MYO3A: variants seen among roughly 807,000 people sequenced by gnomAD.
MYO3A encodes myosin-IIIa.
In MYO3A, 180 loss-of-function variants were observed where a neutral mutation model predicts 192.7. That is an observed-to-expected ratio of 0.93 (90% CI 0.83 to 1.06). The LOEUF (loss-of-function observed/expected upper bound fraction) is 1.06. Ranked by LOEUF, MYO3A falls within the 50% of genes least tolerant of loss-of-function variation. The probability of loss-of-function intolerance (pLI) is 0.00; values close to 1 mark genes in which losing one functional copy is unlikely to be tolerated. For missense variants in MYO3A, 1,896 were observed against 1,905.0 expected, an observed-to-expected ratio of 1.00 and a Z score of 0.09; for synonymous variants, 628 against 645.3, an observed-to-expected ratio of 0.97 and a Z score of 0.41.
chr10:25,998,743 C>T (rs965770202), intron 6 of MYO3A, among the ~76,000 whole-genome samples: 9 of 151,964 alleles, frequency 5.9e-5, no homozygotes, highest in Non-Finnish European at 1.2e-4. Context: ...ATTGTTAAAA[C>T]AAGTATCAAT....
chr10:26,037,601 C>T (rs1221625611), intron 10 of MYO3A, among the ~76,000 whole-genome samples: 2 of 152,144 alleles, frequency 1.3e-5, no homozygotes, highest in African/African-American at 4.8e-5. Flanking sequence ...ATTGTCTTTT[C>T]CCCACTGTAT....
At chr10:25,978,923 A>G (rs1215727279) in intron 4 of MYO3A, among the ~76,000 whole-genome samples, 1 of 151,348 alleles carries the variant, frequency 6.6e-6, no homozygotes, top group East Asian at 1.9e-4. Context: ...TATGTTTGGT[A>G]TGTGCAGACT....
At chr10:26,106,075 C>G (rs1837780679) in intron 17 of MYO3A, among the ~76,000 whole-genome samples, 1 of 152,014 alleles carries the variant, frequency 6.6e-6, no homozygotes, top group African/African-American at 2.4e-5. Context: ...CTCTCGCTTT[C>G]TTCTTTTCCA....
intron 34 of MYO3A, among the ~76,000 whole-genome samples, chr10:26,205,485 G>A: frequency 7.0e-6 from 1 of 143,830 alleles, no homozygotes; most frequent in Non-Finnish European, 1.5e-5. Flanking sequence ...TTTTTGGGGG[G>A]GGGCTTCCAT....
chr10:26,039,386 G>T (rs1020319964), intron 10 of MYO3A, among the ~76,000 whole-genome samples: 13 of 151,734 alleles, frequency 8.6e-5, no homozygotes. Context: ...GAATTTTTGC[G>T]TCAAGATGCA....
intron 30 of MYO3A, among the ~76,000 whole-genome samples, chr10:26,174,917 A>G (rs1842244354): frequency 6.6e-6 from 1 of 152,164 alleles, no homozygotes; most frequent in Non-Finnish European, 1.5e-5. Flanking sequence ...TAAATCCTCC[A>G]AAGTTTATGC....
At chr10:26,063,821 A>G (rs1015134255) in intron 10 of MYO3A, among the ~76,000 whole-genome samples, 1 of 152,262 alleles carries the variant, frequency 6.6e-6, no homozygotes, top group African/African-American at 2.4e-5. Flanking sequence ...AAACAAGTCC[A>G]GTTAAGCTAA....
At chr10:26,126,100 T>C (rs1564574252) in intron 19 of MYO3A, among the ~76,000 whole-genome samples, 2 of 152,182 alleles carry the variant, frequency 1.3e-5, no homozygotes, top group Non-Finnish European at 2.9e-5. Flanking sequence ...AGAAATGCAC[T>C]AGATAAATGT....
At chr10:26,134,197 T>G (rs1779065066) in intron 20 of MYO3A, among the ~76,000 whole-genome samples, 1 of 152,174 alleles carries the variant, frequency 6.6e-6, no homozygotes, top group Non-Finnish European at 1.5e-5. Flanking sequence ...TCTTCAAATT[T>G]TAGTAAAATG....
chr10:26,043,752 T>C (rs72793962), intron 10 of MYO3A, among the ~76,000 whole-genome samples: 24,739 of 152,194 alleles, frequency 0.16, 2,308 homozygotes, highest in Non-Finnish European at 0.21. Context: ...TCATAAATAC[T>C]GTCCCAGACT....
intron 8 of MYO3A, chr10:26,022,939 T>A (rs1842380016): frequency 6.6e-6 from 1 of 152,190 alleles, no homozygotes. Flanking sequence ...ATACTGACTA[T>A]GGTAATATGG....
chr10:26,166,576 C>G (rs1444602131), intron 27 of MYO3A, among the ~76,000 whole-genome samples: 1 of 151,966 alleles, frequency 6.6e-6, no homozygotes, highest in African/African-American at 2.4e-5. Context: ...AAAAGAAATG[C>G]AAGAAAAATT....
chr10:25,942,274 T>C (rs967095991), intron 2 of MYO3A, among the ~76,000 whole-genome samples: 2 of 152,200 alleles, frequency 1.3e-5, no homozygotes, highest in African/African-American at 4.8e-5. Context: ...AGTGCTGGGA[T>C]TACAGGCATG....
intron 2 of MYO3A, among the ~76,000 whole-genome samples, chr10:25,944,323 C>T (rs1836691832): frequency 6.6e-6 from 1 of 151,982 alleles, no homozygotes; most frequent in African/African-American, 2.4e-5. Context: ...AGGATTTTTG[C>T]ATGAATCTTC....
At chr10:25,975,088 A>T (rs1299005164) in intron 4 of MYO3A, among the ~76,000 whole-genome samples, 6 of 152,190 alleles carry the variant, frequency 3.9e-5, no homozygotes, top group Non-Finnish European at 8.8e-5. Flanking sequence ...GGCTAAGTAT[A>T]CATATTCATG....
chr10:26,179,468 G>A (rs749212493), intron 31 of MYO3A, among the ~76,000 whole-genome samples: 2 of 152,058 alleles, frequency 1.3e-5, no homozygotes, highest in Non-Finnish European at 2.9e-5. Context: ...GAGAAGTTTG[G>A]TAATGTTTTT....
At chr10:26,060,682 C>G (rs1189838011) in intron 10 of MYO3A, among the ~76,000 whole-genome samples, 1 of 152,050 alleles carries the variant, frequency 6.6e-6, no homozygotes. Context: ...TGAAAATTAA[C>G]CAGAAAAATA....
chr10:25,994,300 T>C (rs549060074), intron 4 of MYO3A, among the ~76,000 whole-genome samples: 129 of 152,320 alleles, frequency 8.5e-4, no homozygotes, highest in African/African-American at 3.1e-3. Context: ...TCTTTGTTGG[T>C]TTAAAGTCTG....
intron 23 of MYO3A, among the ~76,000 whole-genome samples, chr10:26,153,285 A>G (rs544715146): frequency 6.6e-6 from 1 of 152,306 alleles, no homozygotes; most frequent in Admixed American, 6.5e-5. Flanking sequence ...CAGTTTAAGT[A>G]CTATACCTGG....
Sources: gnomAD v4.1 joint callset for allele counts (sites outside exome capture counted in the v4.1 genomes callset) on GRCh38, gnomAD v4.1.1 for gene constraint, MANE v1.5 for transcripts, NCBI Gene and HGNC (gene_info 2026-07-23, HGNC 2026-07-21) for gene names.